PPP2R3B: variants seen among roughly 807,000 people sequenced by gnomAD.
PPP2R3B encodes the protein protein phosphatase 2 regulatory subunit B''beta.
In PPP2R3B, 68 loss-of-function variants were observed where a neutral mutation model predicts 72.9. The observed-to-expected ratio is 0.93, with a 90% CI of 0.77 to 1.14. PPP2R3B has a LOEUF of 1.14. Ranked by LOEUF, PPP2R3B falls within the 50% of genes most tolerant of loss-of-function variation. PPP2R3B has a pLI of 0.00. For missense variants in PPP2R3B, 1,018 were observed against 842.0 expected (o/e 1.21, Z -2.59); for synonymous variants, 466 against 375.8 (o/e 1.24, Z -2.78).
At chrX:363,566 A>C (rs866129348) in intron 1 of PPP2R3B, among the ~76,000 whole-genome samples, 243 of 2,022 alleles carry the variant, frequency 0.12, 10 homozygotes, top group Admixed American at 0.18. Context: ...GTGCATCTCC[A>C]TGAGTCCACG....
chrX:364,647 G>C (rs2071657073), intron 1 of PPP2R3B, among the ~76,000 whole-genome samples: 1 of 139,688 alleles, frequency 7.2e-6, no homozygotes, highest in Non-Finnish European at 1.5e-5. Flanking sequence ...CAACACAGGA[G>C]GCGGAGGTTG....
rs763614797 is a variant in PPP2R3B, at chrX:345,155, G to A, written c.1036+361C>T. The A allele has an allele frequency of 2.0e-4, 108 of 527,952 alleles. 1 individual carries two copies. Among genetic ancestry groups the A allele is most frequent in the South Asian group, 9.2e-4 (60 of 65,192 alleles). 32.7% of individuals were successfully genotyped at this position (527,952 alleles called of 1,614,324 possible). A position where few individuals can be genotyped will look rare whatever the true frequency, so the allele number is the denominator to read the frequency against. ...GAAACTGCTCCAGGCCTTGGGGGCTGGAACCTGGAGCTCCTGAGGGAAGGC... is the reference window on the plus strand; with the variant it reads ...GAAACTGCTCCAGGCCTTGGGGGCTAGAACCTGGAGCTCCTGAGGGAAGGC... On this transcript the variant is annotated intron_variant, in intron 7 of 12. Transcript: ENST00000390665.
At chrX:379,669 A>G (rs1465452639) in intron 1 of PPP2R3B, among the ~76,000 whole-genome samples, 1 of 152,236 alleles carries the variant, frequency 6.6e-6, no homozygotes, top group East Asian at 1.9e-4. Flanking sequence ...CAAGAGGTGT[A>G]CCCGGGGAAG....
chrX:369,110 G>T (rs1002539376), intron 1 of PPP2R3B, among the ~76,000 whole-genome samples: 1 of 152,236 alleles, frequency 6.6e-6, no homozygotes, highest in Non-Finnish European at 1.5e-5. Flanking sequence ...GTCTCAGGGG[G>T]TTCTGAAGGA....
chrX:359,715 C>T (rs1203305925), intron 2 of PPP2R3B: 1 of 386,394 alleles, frequency 2.6e-6, no homozygotes, highest in Non-Finnish European at 5.1e-6. Flanking sequence ...CAACAGCATG[C>T]TAATTTTTCT....
intron 1 of PPP2R3B, among the ~76,000 whole-genome samples, chrX:372,603 A>G (rs1421866396): frequency 6.6e-6 from 1 of 152,232 alleles, no homozygotes; most frequent in Admixed American, 6.5e-5. Flanking sequence ...ACTAACTCAT[A>G]CAATATACAC....
rs2071189761 is a variant in PPP2R3B, at chrX:345,725, A to G, written c.880-53T>C. The G allele has an allele frequency of 4.3e-6, 6 of 1,390,204 alleles. No individual in the cohort carries two copies. In the East Asian group the frequency reaches 1.1e-4, roughly 26 times the overall value. 86.1% of individuals were successfully genotyped at this position (1,390,204 alleles called of 1,614,324 possible). ...GCGGGGCCTCTGCGGGGATGCCCCA[A>G]GTCCGCCTGGCTGCGGGCGGGGCAG... On this transcript the variant is annotated intron_variant, in intron 6 of 12. Coordinates refer to ENST00000390665, the MANE Select transcript of PPP2R3B (RefSeq NM_013239.5).
rs752608931 is a variant in PPP2R3B at position 346,753 on chromosome X, C to T, written c.740G>A (p.Gly247Glu). 109 of 1,610,392 alleles carry T rather than the reference C, an allele frequency of 6.8e-5. No homozygotes were observed. The highest frequency in any genetic ancestry group is 2.1e-5 in the Non-Finnish European group (25 of 1,178,814). Residue 247 changes from glycine to glutamate, a missense_variant, in exon 5 of 13, where the codon GGG becomes GAG. By Grantham distance (98) the Gly-to-Glu change is moderately conservative. Transcript: ENST00000390665. ...GGACGCCTCCTTCAGGAACGACAGCCCCGGGTGCGTGTTCACCACGTCCTG... is the reference window on the plus strand; with the variant it reads ...GGACGCCTCCTTCAGGAACGACAGCTCCGGGTGCGTGTTCACCACGTCCTG... The part of the protein sequence containing the change: ...FLQDVVNTHP[G>E]LSFLKEASEF...
intron 1 of PPP2R3B, among the ~76,000 whole-genome samples, chrX:385,129 T>C (rs2072217233): frequency 6.6e-6 from 1 of 151,986 alleles, no homozygotes; most frequent in Admixed American, 6.6e-5. Context: ...ATTTAAATGT[T>C]AAGTCTCCGC....
At chrX:341,523 C>CTGCCCCCCTCT in intron 8 of PPP2R3B, 127 bp from the exon 9 acceptor site, 1 of 896,984 alleles carries the variant, frequency 1.1e-6, no homozygotes, top group African/African-American at 1.7e-5. Context: ...TGCCCCCCTC[C>CTGCCCCCCTCT]TGCCCCTCCT....
chrX:338,591 C>A lies in PPP2R3B; in HGVS notation c.1577+13G>T. 6.3e-7 allele frequency: 1 copy of A among 1,589,058 alleles called. No individual in the cohort carries two copies. ...CTGACCCGTCCCCCCACTCACCCGT[C>A]CTCCCCACTCACCCGTCCTCCCAGG... On this transcript the variant is annotated intron_variant, in intron 12 of 12. Transcript: ENST00000390665.
chrX:356,428 C>G (rs1209818722), intron 2 of PPP2R3B, among the ~76,000 whole-genome samples: 3 of 152,120 alleles, frequency 2.0e-5, no homozygotes, highest in Admixed American at 6.6e-5. Flanking sequence ...GTTGGCCAGG[C>G]TGGCCTCGAA....
At chrX:360,264 TG>T (rs2071513640) in intron 2 of PPP2R3B, among the ~76,000 whole-genome samples, 1 of 152,244 alleles carries the variant, frequency 6.6e-6, no homozygotes, top group African/African-American at 2.4e-5. Flanking sequence ...CCAGGTGCAG[TG>T]GCTCATGCCT....
At chrX:335,615 C>G (rs1375423576) in intron 12 of PPP2R3B, 1 of 152,244 alleles carries the variant, frequency 6.6e-6, no homozygotes, top group African/African-American at 2.4e-5. Context: ...AGGCCGCGGG[C>G]TGCGGTGTCC....
chrX:369,780 G>A (rs1456483765), intron 1 of PPP2R3B, among the ~76,000 whole-genome samples: 2 of 152,238 alleles, frequency 1.3e-5, no homozygotes, highest in Non-Finnish European at 2.9e-5. Flanking sequence ...AGGTGCCGGA[G>A]CAGCAGGGGG....
chrX:360,619 G>C (rs1229192043), intron 2 of PPP2R3B, among the ~76,000 whole-genome samples: 1 of 152,208 alleles, frequency 6.6e-6, no homozygotes, highest in African/African-American at 2.4e-5. Context: ...TGGGGGGCAG[G>C]GGTCTCACCG....
intron 7 of PPP2R3B, among the ~76,000 whole-genome samples, chrX:343,773 G>A (rs2071127269): frequency 3.7e-5 from 1 of 27,094 alleles, no homozygotes; most frequent in Admixed American, 2.4e-4. Context: ...CCTCAGCAAC[G>A]GGAGGGGGGG....
At chrX:339,198 G>A (rs1474410891) in intron 10 of PPP2R3B, among the ~76,000 whole-genome samples, 3 of 150,702 alleles carry the variant, frequency 2.0e-5, no homozygotes, top group Admixed American at 2.0e-4. Flanking sequence ...AAATTACAGA[G>A]AACGGAGCTC....
intron 7 of PPP2R3B, chrX:345,003 G>A (rs1350984161): frequency 1.1e-5 from 4 of 360,334 alleles, no homozygotes; most frequent in African/African-American, 6.4e-5. Context: ...GTTCCTGCAA[G>A]TGTGGATGAC....
Sources: allele counts gnomAD v4.1 joint callset (sites outside exome capture counted in the v4.1 genomes callset), GRCh38; gene constraint gnomAD v4.1.1; transcripts MANE v1.5; gene names NCBI Gene and HGNC (gene_info 2026-07-23, HGNC 2026-07-21).